RXFP1: variants seen among roughly 807,000 people sequenced by gnomAD.
The protein encoded by RXFP1 is relaxin receptor 1.
RXFP1 carries 73 observed loss-of-function variants against 89.8 expected under a neutral mutation model. That is an observed-to-expected ratio of 0.81 (90% CI 0.67 to 0.99). RXFP1 has a LOEUF of 0.99. Ranked by LOEUF, RXFP1 falls within the 50% of genes least tolerant of loss-of-function variation. The pLI, the probability that RXFP1 is intolerant of heterozygous loss-of-function variation, is 0.00. For missense variants in RXFP1, 793 were observed against 895.5 expected (o/e 0.89, Z 1.46); for synonymous variants, 277 against 305.5 (o/e 0.91, Z 0.97).
chr4:158,545,907 G>A (rs1748224574), intron 1 of RXFP1, among the ~76,000 whole-genome samples: 1 of 152,106 alleles, frequency 6.6e-6, no homozygotes, highest in South Asian at 2.1e-4. Context: ...TTGTTCTTTT[G>A]GCTTAGGATT....
chr4:158,599,376 T>A lies in RXFP1; in HGVS notation c.337T>A (p.Cys113Ser). ...TCTTTGCCAAGGTCTGGAGCTTGAC[T>A]GTGATGAAACCAATTTACGAGCTGT... ...QCLCQGLELD[C>S]DETNLRAVPS... The change falls in exon 4 of 18, where the codon TGT becomes AGT. Residue 113 changes from cysteine (C) to serine (S), a missense_variant. Cys to Ser is a moderately radical substitution (Grantham distance 112, BLOSUM62 -1). Coordinates refer to ENST00000307765, the MANE Select transcript of RXFP1 (RefSeq NM_021634.4). 3 of 1,613,942 alleles carry A rather than the reference T, an allele frequency of 1.9e-6. No homozygotes were observed. The highest frequency in any genetic ancestry group is 2.5e-6 in the Non-Finnish European group (3 of 1,179,894).
chr4:158,635,534 C>G (rs1768974841), intron 12 of RXFP1, among the ~76,000 whole-genome samples: 5 of 151,776 alleles, frequency 3.3e-5, no homozygotes, highest in Admixed American at 3.3e-4. Flanking sequence ...CCGAATTGTT[C>G]TAATTAGGAC....
chr4:158,524,505 G>A (rs1190722565), intron 1 of RXFP1, among the ~76,000 whole-genome samples: 1 of 152,172 alleles, frequency 6.6e-6, no homozygotes, highest in Admixed American at 6.5e-5. Flanking sequence ...TGCAAAAATT[G>A]AGGTCCACAC....
intron 8 of RXFP1, among the ~76,000 whole-genome samples, chr4:158,612,612 C>CTTT (rs1158067958): frequency 1.0e-3 from 142 of 140,280 alleles, no homozygotes; most frequent in Non-Finnish European, 1.5e-3. Context: ...TCACAATATT[C>CTTT]TTTTTTTTTT....
chr4:158,630,634 G>T (rs1767854087), intron 11 of RXFP1, among the ~76,000 whole-genome samples: 1 of 152,126 alleles, frequency 6.6e-6, no homozygotes, highest in Non-Finnish European at 1.5e-5. Flanking sequence ...GTAAAGGAAA[G>T]AATAATACAA....
intron 2 of RXFP1, among the ~76,000 whole-genome samples, chr4:158,587,168 C>A (rs544047538): frequency 6.6e-6 from 1 of 152,278 alleles, no homozygotes; most frequent in East Asian, 1.9e-4. Context: ...TGAAGCGAGG[C>A]CCTGGTAGGC....
chr4:158,630,326 C>T (rs935248817), intron 11 of RXFP1, among the ~76,000 whole-genome samples: 3 of 152,244 alleles, frequency 2.0e-5, no homozygotes, highest in Non-Finnish European at 4.4e-5. Flanking sequence ...ACTCCTGGCA[C>T]GTGATAATTG....
intron 1 of RXFP1, among the ~76,000 whole-genome samples, chr4:158,538,221 A>G (rs928194944): frequency 6.6e-6 from 1 of 152,242 alleles, no homozygotes; most frequent in Non-Finnish European, 1.5e-5. Context: ...AAGAGGACAC[A>G]TTAATGATCT....
chr4:158,610,194 G>T (rs928882649), intron 6 of RXFP1, among the ~76,000 whole-genome samples: 1 of 152,256 alleles, frequency 6.6e-6, no homozygotes, highest in Middle Eastern at 3.4e-3. Flanking sequence ...GAACCTGGGG[G>T]GCGGAGGTTG....
chr4:158,585,758 C>T (rs1193158694), intron 2 of RXFP1, among the ~76,000 whole-genome samples: 1 of 152,132 alleles, frequency 6.6e-6, no homozygotes, highest in Non-Finnish European at 1.5e-5. Flanking sequence ...ACTATACTCT[C>T]ATAAAGAGAT....
At chr4:158,596,111 G>C (rs1760533016) in intron 3 of RXFP1, among the ~76,000 whole-genome samples, 1 of 151,678 alleles carries the variant, frequency 6.6e-6, no homozygotes. Flanking sequence ...CTCTCTCAGA[G>C]GCAGAAAAAA....
chr4:158,569,645 A>C (rs1754609552), intron 1 of RXFP1, among the ~76,000 whole-genome samples: 1 of 152,210 alleles, frequency 6.6e-6, no homozygotes, highest in Non-Finnish European at 1.5e-5. Flanking sequence ...GTTATGTGAA[A>C]CGTTATCAAA....
intron 1 of RXFP1, among the ~76,000 whole-genome samples, chr4:158,551,639 AAAAT>A (rs1469252045): frequency 6.6e-6 from 1 of 152,204 alleles, no homozygotes; most frequent in African/African-American, 2.4e-5. Flanking sequence ...TTCTCAATTA[AAAAT>A]AAATAAATAA....
chr4:158,542,109 A>ATATATATATATTTTTTTTTT, intron 1 of RXFP1, among the ~76,000 whole-genome samples: 18 of 35,238 alleles, frequency 5.1e-4, no homozygotes, highest in African/African-American at 1.5e-3. Flanking sequence ...ATATATATAT[A>ATATATATATATTTTTTTTTT]TTTTTTTTTT....
chr4:158,570,179 A>G (rs928977076), intron 1 of RXFP1, among the ~76,000 whole-genome samples: 2 of 148,162 alleles, frequency 1.3e-5, no homozygotes, highest in African/African-American at 2.4e-5. Context: ...ATGCAAGCCA[A>G]TAAAGTCTGA....
chr4:158,641,466 G>A (rs1156588253), intron 14 of RXFP1, among the ~76,000 whole-genome samples: 3 of 152,122 alleles, frequency 2.0e-5, no homozygotes, highest in South Asian at 4.1e-4. Context: ...CAGCCAAAGC[G>A]GCAAACAGAG....
chr4:158,559,641 T>C (rs1052859477), intron 1 of RXFP1, among the ~76,000 whole-genome samples: 2 of 152,234 alleles, frequency 1.3e-5, no homozygotes, highest in Admixed American at 1.3e-4. Flanking sequence ...ATGGTTGATG[T>C]ATTTACGACA....
At chr4:158,537,938 T>C (rs1745658787) in intron 1 of RXFP1, among the ~76,000 whole-genome samples, 1 of 152,078 alleles carries the variant, frequency 6.6e-6, no homozygotes, top group Non-Finnish European at 1.5e-5. Flanking sequence ...TGCTGAGGCT[T>C]GAAGAATGAG....
chr4:158,562,638 C>A (rs970680787), intron 1 of RXFP1, among the ~76,000 whole-genome samples: 2 of 145,326 alleles, frequency 1.4e-5, no homozygotes, highest in Non-Finnish European at 3.0e-5. Context: ...TTTGAGCCAA[C>A]AATTTTTTTT....
Sources: allele counts gnomAD v4.1 joint callset (sites outside exome capture counted in the v4.1 genomes callset), GRCh38; gene constraint gnomAD v4.1.1; transcripts MANE v1.5; gene names NCBI Gene and HGNC (gene_info 2026-07-23, HGNC 2026-07-21).